Variants in MACF1 observed in about 807,000 individuals in gnomAD.
The protein encoded by MACF1 is microtubule-actin cross-linking factor 1.
A neutral mutation model predicts 854.8 loss-of-function variants in MACF1; 193 were observed. The ratio of observed to expected loss-of-function variants is 0.23; its 90% CI spans 0.20 to 0.25. The LOEUF (loss-of-function observed/expected upper bound fraction) is 0.25, where lower values mean the gene tolerates loss of function less well. Ranked by LOEUF, MACF1 falls within the 10% of genes least tolerant of loss-of-function variation. The pLI is 1.00. For synonymous variants in MACF1, 3,185 were observed against 3,226.7 expected (o/e 0.99, Z 0.44); for missense variants, 7,722 against 8,929.1 (o/e 0.86, Z 5.45).
intron 40 of MACF1, among the ~76,000 whole-genome samples, chr1:39,344,110 C>T (rs1329428828): frequency 1.5e-5 from 2 of 134,338 alleles, no homozygotes; most frequent in Non-Finnish European, 3.2e-5. Flanking sequence ...AGGGAAACTC[C>T]ATCTCAAAAA....
At chr1:39,203,641 T>C (rs146810107), upstream of MACF1, among the ~76,000 whole-genome samples, 80 of 152,374 alleles carry the variant, frequency 5.3e-4, 1 homozygote, top group East Asian at 0.015. Flanking sequence ...GCCTCTTCCA[T>C]TTCTAGTTGT....
At chr1:39,311,492 A>G (rs1646300545) in intron 26 of MACF1, among the ~76,000 whole-genome samples, 2 of 152,218 alleles carry the variant, frequency 1.3e-5, no homozygotes, top group Non-Finnish European at 2.9e-5. Context: ...TGCACGATAT[A>G]GGGTTATTTT....
chr1:39,273,329 C>T (rs1478475834), intron 6 of MACF1, among the ~76,000 whole-genome samples: 1 of 151,574 alleles, frequency 6.6e-6, no homozygotes, highest in Non-Finnish European at 1.5e-5. Flanking sequence ...TTGCCACAAC[C>T]CTTCGAGTCT....
intron 6 of MACF1, 114 bp downstream of exon 6, chr1:39,258,142 A>G (rs556037947): frequency 9.4e-6 from 8 of 853,346 alleles, no homozygotes; most frequent in Non-Finnish European, 7.9e-6. Flanking sequence ...GTCAGTGAAC[A>G]AAGGTGGATG....
At chr1:39,417,137 G>A (rs1348614242) in intron 58 of MACF1, among the ~76,000 whole-genome samples, 2 of 152,172 alleles carry the variant, frequency 1.3e-5, no homozygotes, top group Non-Finnish European at 2.9e-5. Context: ...GTATGTATAT[G>A]TGCAAGTGCA....
chr1:39,412,596 G>A lies in MACF1; in HGVS notation c.15817-9778G>A, dbSNP rs1251480941. ...AACTGAGACTTAATCCAGATGGAGTGGAAACTGTGAATGATACAAAGCCTG... is the reference window on the plus strand; with the variant it reads ...AACTGAGACTTAATCCAGATGGAGTAGAAACTGTGAATGATACAAAGCCTG... On this transcript the variant is annotated intron_variant, in intron 58 of 100. Coordinates refer to ENST00000564288, the MANE Select transcript of MACF1 (RefSeq NM_001394062.1). 5.0e-6 allele frequency: 8 copies of A among 1,613,900 alleles called. No individual in the cohort carries two copies. The African/African-American group carries it at 6.7e-5, about 13-fold the overall frequency.
chr1:39,108,708 A>G (rs1350363536), intron 2 of MACF1, among the ~76,000 whole-genome samples: 2 of 152,166 alleles, frequency 1.3e-5, no homozygotes, highest in Non-Finnish European at 2.9e-5. Context: ...GAAGCAGGTC[A>G]CATATGAGCA....
Position 39,327,305 on chromosome 1 carries a change from T to G in MACF1, c.4566T>G (p.Asn1522Lys), listed in dbSNP as rs888838976. Residue 1522 changes from asparagine (N) to lysine (K), a missense_variant, in exon 36 of 101, where the codon AAT becomes AAG. By Grantham distance (94) the Asn-to-Lys change is moderately conservative. Around this residue, in one of 15 missense-constraint regions of MACF1, gnomAD observed 1,531 missense variants for 1,601.6 expected, o/e 0.96. Coordinates refer to ENST00000564288, the MANE Select transcript of MACF1 (RefSeq NM_001394062.1). ...ATGACCTTTGTGATGGTTCTGCAAATCAGCTTCAGCAGCTTCAGAGCCAGT... is the reference window on the plus strand; with the variant it reads ...ATGACCTTTGTGATGGTTCTGCAAAGCAGCTTCAGCAGCTTCAGAGCCAGT... ...AYHDLCDGSA[N>K]QLQQLQSQLA... 7 of 1,606,862 alleles carry G rather than the reference T, an allele frequency of 4.4e-6. No homozygotes were observed. The highest frequency in any genetic ancestry group is 6.0e-6 in the Non-Finnish European group (7 of 1,174,264).
intron 52 of MACF1, among the ~76,000 whole-genome samples, chr1:39,374,613 T>G (rs1047503544): frequency 1.3e-5 from 2 of 152,180 alleles, no homozygotes; most frequent in African/African-American, 4.8e-5. Flanking sequence ...TCTGCCATTG[T>G]AACAAAAACA....
intron 97 of MACF1, among the ~76,000 whole-genome samples, chr1:39,477,102 C>CAT: frequency 8.9e-6 from 1 of 112,894 alleles, no homozygotes; most frequent in Non-Finnish European, 1.8e-5. Context: ...CACACACACA[C>CAT]ATATATACAC....
At chr1:39,320,415 A>G (rs1646492130) in intron 31 of MACF1, among the ~76,000 whole-genome samples, 1 of 152,202 alleles carries the variant, frequency 6.6e-6, no homozygotes, top group Non-Finnish European at 1.5e-5. Context: ...TGCCAAAAAG[A>G]GGAAAAAAGA....
At chr1:39,142,849 T>G (rs988152927) in intron 2 of MACF1, among the ~76,000 whole-genome samples, 1 of 152,200 alleles carries the variant, frequency 6.6e-6, no homozygotes, top group East Asian at 1.9e-4. Context: ...CTTGGCATAA[T>G]GCACTGTTGA....
rs1557583907 is a variant in MACF1 at position 39,317,141 on chromosome 1, GT to G, written c.3589-70del. 4 of 1,454,842 alleles carry G rather than the reference GT, an allele frequency of 2.7e-6. No individual in the cohort carries two copies. In the Admixed American group the frequency reaches 9.0e-5, roughly 33 times the overall value. The allele number at this position is 1,454,842 out of a possible 1,614,324, so 90.1% of individuals were successfully genotyped here. A position where few individuals can be genotyped will look rare whatever the true frequency, so the allele number is the denominator to read the frequency against. ...GGAAATAGCTGTAGACCGTGTCCTT[GT>G]TTCCCACCTTAGACTGACTCCTTTT... On this transcript the variant is annotated intron_variant, in intron 28 of 100. Coordinates refer to ENST00000564288, the MANE Select transcript of MACF1 (RefSeq NM_001394062.1).
chr1:39,389,426 C>A (rs1420874073), intron 58 of MACF1, among the ~76,000 whole-genome samples: 1 of 127,834 alleles, frequency 7.8e-6, no homozygotes, highest in Admixed American at 1.0e-4. Context: ...GTGGGGCGAT[C>A]TAGGCTCACT....
rs1646634555 is a variant in MACF1 at position 39,327,360 on chromosome 1, T to A, written c.4614+7T>A. 6.3e-7 allele frequency: 1 copy of A among 1,581,136 alleles called. No homozygotes were observed. The highest frequency in any genetic ancestry group is 8.7e-7 in the Non-Finnish European group (1 of 1,155,286). On this transcript the variant is annotated splice_region_variant and intron_variant, in intron 36 of 100. Transcript: ENST00000564288. ...TCACCAGACAGAACAAAAGGTACTT[T>A]TAGTTTTCATCTCCAAATATTGGGT...
intron 26 of MACF1, 85 bp downstream of exon 26, chr1:39,311,085 A>G: frequency 7.0e-7 from 1 of 1,433,444 alleles, no homozygotes; most frequent in Admixed American, 2.1e-5. Flanking sequence ...GCACCTAAGA[A>G]ATGAGGCAAT....
intron 2 of MACF1, among the ~76,000 whole-genome samples, chr1:39,107,328 G>GTT (rs779623131): frequency 6.9e-6 from 1 of 145,684 alleles, no homozygotes. Context: ...CTTTTGTTCA[G>GTT]TTTTTTTTTT....
chr1:39,243,975 G>T (rs1161046994), intron 2 of MACF1, among the ~76,000 whole-genome samples: 2 of 151,978 alleles, frequency 1.3e-5, no homozygotes, highest in East Asian at 3.8e-4. Flanking sequence ...TGTCTAGTAT[G>T]CTTCAGAAAC....
At chr1:39,224,866 A>G (rs547477501) in intron 1 of MACF1, among the ~76,000 whole-genome samples, 6 of 152,326 alleles carry the variant, frequency 3.9e-5, no homozygotes, top group Admixed American at 1.3e-4. Flanking sequence ...GACGAAGATC[A>G]GTAAAGTTGG....
Sources: gnomAD v4.1 joint callset for allele counts (sites outside exome capture counted in the v4.1 genomes callset) on GRCh38, gnomAD v4.1.1 for gene constraint, gnomAD v4.1.1 regional missense constraint, MANE v1.5 for transcripts, NCBI Gene and HGNC (gene_info 2026-07-23, HGNC 2026-07-21) for gene names.